KLHL29: variants seen among roughly 807,000 people sequenced by gnomAD.
KLHL29 encodes kelch-like protein 29.
A neutral mutation model predicts 80.4 loss-of-function variants in KLHL29; 21 were observed. The observed-to-expected ratio is 0.26, with a 90% CI of 0.19 to 0.38. KLHL29 has a LOEUF of 0.38. Ranked by LOEUF, KLHL29 falls within the 10% of genes least tolerant of loss-of-function variation. KLHL29 has a pLI of 1.00. For missense variants in KLHL29, 867 were observed against 1,223.9 expected (o/e 0.71, Z 4.35); for synonymous variants, 511 against 526.8 (o/e 0.97, Z 0.41).
intron 1 of KLHL29, among the ~76,000 whole-genome samples, chr2:23,388,483 C>T (rs1236046576): frequency 1.3e-5 from 2 of 152,048 alleles, no homozygotes; most frequent in South Asian, 2.1e-4. Flanking sequence ...TGAGTGTCAC[C>T]GTTGTTATCA....
chr2:23,530,618 C>T (rs1490364900), intron 2 of KLHL29, among the ~76,000 whole-genome samples: 1 of 152,258 alleles, frequency 6.6e-6, no homozygotes, highest in East Asian at 1.9e-4. Flanking sequence ...ATAGTTCTTC[C>T]ATCGTGTGGA....
intron 3 of KLHL29, among the ~76,000 whole-genome samples, chr2:23,585,458 C>T (rs1668094510): frequency 6.6e-6 from 1 of 152,168 alleles, no homozygotes; most frequent in Non-Finnish European, 1.5e-5. Context: ...AGCGTGTTAA[C>T]AGATGGACTG....
intron 1 of KLHL29, among the ~76,000 whole-genome samples, chr2:23,440,408 A>G (rs1572514656): frequency 6.6e-6 from 1 of 152,104 alleles, no homozygotes; most frequent in Non-Finnish European, 1.5e-5. Flanking sequence ...AATTCAGGAC[A>G]TAGGCATGGG....
Position 23,684,200 on chromosome 2 carries a change from C to A in KLHL29, c.941-199C>A, listed in dbSNP as rs1277798040. 6.6e-6 allele frequency among the ~76,000 whole-genome samples: 1 copy of A among 152,010 alleles called. No homozygotes were observed. Among genetic ancestry groups the A allele is most frequent in the Non-Finnish European group, 1.5e-5 (1 of 68,022 alleles). Reference sequence around the variant, plus strand: ...AAGTTGTGATTCCTTTGGTTATTAGCCCCTCCCAGTGGCTGCTTGTTTATG... The same window carrying A: ...AAGTTGTGATTCCTTTGGTTATTAGACCCTCCCAGTGGCTGCTTGTTTATG... On this transcript the variant is annotated intron_variant, in intron 5 of 13. Transcript: ENST00000486442. The surrounding 1 kb of genome is among the most constrained non-coding windows in gnomAD (Gnocchi z 4.4).
In KLHL29 at chr2:23,596,672, C is replaced by T. The variant is rs1315566395; in HGVS notation, c.285+34191C>T. ...TGTGCCTCTTTAGCACGCCTTTAACCCCTATCCTGCAAGCATCTCCCTCTA... is the reference window on the plus strand; with the variant it reads ...TGTGCCTCTTTAGCACGCCTTTAACTCCTATCCTGCAAGCATCTCCCTCTA... On this transcript the variant is annotated intron_variant, in intron 3 of 13. Coordinates refer to ENST00000486442, the MANE Select transcript of KLHL29 (RefSeq NM_052920.2). This position sits in a 1 kb window ranked among gnomAD's most constrained non-coding sequence, Gnocchi z 4.4. Among the ~76,000 whole-genome samples, 1 of 152,194 alleles carries T rather than the reference C, an allele frequency of 6.6e-6. No individual in the cohort carries two copies. The highest frequency in any genetic ancestry group is 1.5e-5 in the Non-Finnish European group (1 of 68,024).
chr2:23,531,958 C>T (rs1179269891), intron 2 of KLHL29, among the ~76,000 whole-genome samples: 1 of 152,220 alleles, frequency 6.6e-6, no homozygotes, highest in African/African-American at 2.4e-5. Context: ...GTCGCCACGA[C>T]TCCCAAGTGC....
At chr2:23,415,636 T>TTTG (rs1031208753) in intron 1 of KLHL29, among the ~76,000 whole-genome samples, 1 of 152,186 alleles carries the variant, frequency 6.6e-6, no homozygotes, top group East Asian at 1.9e-4. Context: ...GAGGTCCTGT[T>TTTG]TTGTTGTTGT....
At chr2:23,431,347 G>A (rs1026858725) in intron 1 of KLHL29, among the ~76,000 whole-genome samples, 1 of 152,210 alleles carries the variant, frequency 6.6e-6, no homozygotes, top group African/African-American at 2.4e-5. Context: ...TTTCTCCGTG[G>A]GAAGGAAATA....
At chr2:23,399,259 C>T (rs1031922259) in intron 1 of KLHL29, among the ~76,000 whole-genome samples, 3 of 152,186 alleles carry the variant, frequency 2.0e-5, no homozygotes, top group Non-Finnish European at 2.9e-5. Flanking sequence ...TTTCCTTGTT[C>T]CCTTCCATGC....
intron 1 of KLHL29, among the ~76,000 whole-genome samples, chr2:23,409,388 G>A (rs1489847508): frequency 6.6e-6 from 1 of 152,214 alleles, no homozygotes; most frequent in Non-Finnish European, 1.5e-5. Context: ...ATGGCTGGAG[G>A]TGGGGGCGGA....
chr2:23,702,273 A>C (rs763157109), intron 11 of KLHL29, among the ~76,000 whole-genome samples: 4 of 152,196 alleles, frequency 2.6e-5, no homozygotes, highest in Admixed American at 2.0e-4. Context: ...CCTACTGAAC[A>C]TCATAGTTCA....
At chr2:23,640,971 C>T (rs1447288544) in intron 4 of KLHL29, among the ~76,000 whole-genome samples, 2 of 152,190 alleles carry the variant, frequency 1.3e-5, no homozygotes, top group Non-Finnish European at 2.9e-5. Context: ...CCCAGCTCCA[C>T]ATTCTATCCT....
intron 2 of KLHL29, among the ~76,000 whole-genome samples, chr2:23,542,949 G>A (rs1439502226): frequency 6.6e-6 from 1 of 152,128 alleles, no homozygotes; most frequent in Non-Finnish European, 1.5e-5. Context: ...GGGAAATTAA[G>A]ATTGCATTAG....
chr2:23,456,114 T>A (rs1664043032), intron 1 of KLHL29, among the ~76,000 whole-genome samples: 1 of 152,206 alleles, frequency 6.6e-6, no homozygotes, highest in Non-Finnish European at 1.5e-5. Context: ...TCCCATTGTT[T>A]AAACCACCCA....
At position 23,706,491 on chromosome 2, in the gene KLHL29, C is replaced by T; in HGVS notation, c.2455C>T (p.Leu819Phe). The change falls in exon 14 of 14, where the codon CTT becomes TTT. Residue 819 changes from leucine to phenylalanine, a missense_variant. Around this residue, in one of 2 missense-constraint regions of KLHL29, gnomAD observed 443 missense variants for 767.0 expected, o/e 0.58. Coordinates refer to ENST00000486442, the MANE Select transcript of KLHL29 (RefSeq NM_052920.2). The stretch of plus-strand genomic sequence containing the variant: ...GCTTTCCCCCAACAGTGCTGTGGTG[C>T]TTGATGGCAAGATTTATGCAACTGG... ...HSRQFCSAVV[L>F]DGKIYATGGI... 6.5e-7 allele frequency: 1 copy of T among 1,529,474 alleles called. No individual in the cohort carries two copies. The highest frequency in any genetic ancestry group is 8.7e-7 in the Non-Finnish European group (1 of 1,142,976). 94.7% of individuals were successfully genotyped at this position (1,529,474 alleles called of 1,614,324 possible). A position where few individuals can be genotyped will look rare whatever the true frequency, so the allele number is the denominator to read the frequency against.
intron 2 of KLHL29, among the ~76,000 whole-genome samples, chr2:23,492,302 ACACTGTT>A (rs1280853921): frequency 1.3e-5 from 2 of 152,124 alleles, no homozygotes. Context: ...TCCTCCTTGC[ACACTGTT>A]CATGCCTCTA....
At chr2:23,403,217 T>C (rs576328024) in intron 1 of KLHL29, among the ~76,000 whole-genome samples, 1 of 152,296 alleles carries the variant, frequency 6.6e-6, no homozygotes, top group Non-Finnish European at 1.5e-5. Context: ...GGAAAGTTAA[T>C]TTTGCCATGC....
intron 3 of KLHL29, among the ~76,000 whole-genome samples, chr2:23,585,881 G>T (rs180895417): frequency 1.3e-5 from 2 of 152,190 alleles, no homozygotes; most frequent in Non-Finnish European, 2.9e-5. Context: ...CTCTACCACC[G>T]GGGAGAGTTT....
intron 2 of KLHL29, among the ~76,000 whole-genome samples, chr2:23,537,237 G>T (rs1481257341): frequency 6.6e-6 from 1 of 152,160 alleles, no homozygotes; most frequent in Non-Finnish European, 1.5e-5. Flanking sequence ...GGGCAGTGCT[G>T]CCGCTTCTGT....
Sources: gnomAD v4.1 joint callset for allele counts (sites outside exome capture counted in the v4.1 genomes callset) on GRCh38, gnomAD v4.1.1 for gene constraint, gnomAD v4.1.1 regional missense constraint, Gnocchi (gnomAD v3.1) non-coding constraint, MANE v1.5 for transcripts, NCBI Gene and HGNC (gene_info 2026-07-23, HGNC 2026-07-21) for gene names.